Variants in NFIA observed in about 807,000 individuals in gnomAD.
The protein encoded by NFIA is nuclear factor 1 A-type.
NFIA carries 8 observed loss-of-function variants against 62.8 expected under a neutral mutation model. The ratio of observed to expected loss-of-function variants is 0.13; its 90% CI spans 0.07 to 0.23. NFIA has a LOEUF of 0.23. NFIA is among the 10% of genes least tolerant of loss of function. NFIA has a pLI of 1.00. For synonymous variants in NFIA, 235 were observed against 238.1 expected, an observed-to-expected ratio of 0.99 and a Z score of 0.12; for missense variants, 410 against 642.1, an observed-to-expected ratio of 0.64 and a Z score of 3.91.
rs1325945047 is a variant in NFIA, at chr1:61,458,232, G to A, written c.*2912G>A. Reference sequence around the variant, plus strand: ...AAAAGAAAAAAAAAAAGAAAAAATAGCAGCTTTCAGTGCTTCACAGTGAAG... The same window carrying A: ...AAAAGAAAAAAAAAAAGAAAAAATAACAGCTTTCAGTGCTTCACAGTGAAG... On this transcript the variant is annotated 3_prime_UTR_variant, in exon 11 of 11. Transcript: ENST00000403491. The A allele has an allele frequency of 1.3e-5, 2 of 151,084 alleles. No homozygotes were observed. Among genetic ancestry groups the A allele is most frequent in the East Asian group, 1.9e-4 (1 of 5,166 alleles). 9.4% of individuals were successfully genotyped at this position (151,084 alleles called of 1,614,324 possible). A position where few individuals can be genotyped will look rare whatever the true frequency, so the allele number is the denominator to read the frequency against.
At chr1:61,279,644 G>C (rs1322049658) in intron 3 of NFIA, among the ~76,000 whole-genome samples, 2 of 152,200 alleles carry the variant, frequency 1.3e-5, no homozygotes, top group East Asian at 1.9e-4. Flanking sequence ...TGTGTGGACT[G>C]TACGGGTGTG....
intron 3 of NFIA, among the ~76,000 whole-genome samples, chr1:61,286,326 G>A (rs1415387507): frequency 1.3e-5 from 2 of 151,566 alleles, no homozygotes; most frequent in African/African-American, 4.9e-5. Flanking sequence ...TACTCAGGAG[G>A]CTGAGGCAGG....
At chr1:61,267,520 A>G (rs1657249452) in intron 2 of NFIA, among the ~76,000 whole-genome samples, 1 of 152,194 alleles carries the variant, frequency 6.6e-6, no homozygotes, top group African/African-American at 2.4e-5. Context: ...AGAAAAAAAA[A>G]AATTGGATAC....
intron 7 of NFIA, among the ~76,000 whole-genome samples, chr1:61,395,383 T>C (rs1430206231): frequency 6.6e-6 from 1 of 152,084 alleles, no homozygotes; most frequent in Non-Finnish European, 1.5e-5. Context: ...TCTTGTTTTT[T>C]GAAGTCCTCT....
At chr1:61,312,142 T>C (rs751370827) in intron 3 of NFIA, among the ~76,000 whole-genome samples, 1 of 152,246 alleles carries the variant, frequency 6.6e-6, no homozygotes, top group Non-Finnish European at 1.5e-5. Flanking sequence ...GGCAAGCTTA[T>C]ATGCCTGTAA....
chr1:61,092,356 A>T (rs1352782449), intron 2 of NFIA, among the ~76,000 whole-genome samples: 1 of 152,202 alleles, frequency 6.6e-6, no homozygotes, highest in Non-Finnish European at 1.5e-5. Context: ...CAGCAGTATG[A>T]GTACTTGTTA....
At position 61,460,090 on chromosome 1, in the gene NFIA, AAGAC is replaced by A. The variant is rs1668471736; in HGVS notation, c.*4773_*4776del. On this transcript the variant is annotated 3_prime_UTR_variant, in exon 11 of 11. Transcript: ENST00000403491. ...AAACCCACCCTTCGAGATCTGTCCA[AAGAC>A]AGTCTCAGAAAGCTGCACTGCCCAC... The A allele has an allele frequency of 3.3e-5, 5 of 152,318 alleles. No individual in the cohort carries two copies. The highest frequency in any genetic ancestry group is 2.6e-4 in the Admixed American group (4 of 15,304). The allele number at this position is 152,318 out of a possible 1,614,324, so 9.4% of individuals were successfully genotyped here.
intron 7 of NFIA, among the ~76,000 whole-genome samples, chr1:61,388,524 T>C (rs1046573072): frequency 1.3e-5 from 2 of 152,242 alleles, no homozygotes; most frequent in African/African-American, 2.4e-5. Flanking sequence ...TTGAAACTTA[T>C]CTTTTTGCTT....
At chr1:61,166,671 A>G (rs1291482775) in intron 2 of NFIA, among the ~76,000 whole-genome samples, 6 of 152,198 alleles carry the variant, frequency 3.9e-5, no homozygotes, top group Non-Finnish European at 7.4e-5. Flanking sequence ...CTACCAAACT[A>G]CTTATAGTTT....
At chr1:61,245,443 G>A (rs1182839750) in intron 2 of NFIA, among the ~76,000 whole-genome samples, 1 of 151,368 alleles carries the variant, frequency 6.6e-6, no homozygotes, top group Non-Finnish European at 1.5e-5. Flanking sequence ...TGTTCTTCAG[G>A]GGAAAAAATG....
intron 2 of NFIA, among the ~76,000 whole-genome samples, chr1:61,175,128 GATTATT>G (rs66989543): frequency 0.21 from 31,884 of 149,870 alleles, 4,015 homozygotes; most frequent in African/African-American, 0.33. Flanking sequence ...TTTCTGTATT[GATTATT>G]ATTATTATTA....
intron 2 of NFIA, among the ~76,000 whole-genome samples, chr1:61,132,321 C>T (rs570218798): frequency 3.9e-5 from 6 of 152,250 alleles, no homozygotes; most frequent in East Asian, 1.9e-4. Context: ...CCGAGGAGGA[C>T]GTGGTTTAGT....
At chr1:61,147,221 G>A (rs888325934) in intron 2 of NFIA, among the ~76,000 whole-genome samples, 2 of 152,024 alleles carry the variant, frequency 1.3e-5, no homozygotes, top group African/African-American at 2.4e-5. Context: ...TGCAATCTTG[G>A]TTCACTGCAA....
chr1:61,154,596 A>C (rs1457817825), intron 2 of NFIA, among the ~76,000 whole-genome samples: 1 of 152,144 alleles, frequency 6.6e-6, no homozygotes, highest in Non-Finnish European at 1.5e-5. Context: ...GATTACAGGC[A>C]CACGCCACCC....
chr1:61,325,725 TG>T (rs1055404279), intron 3 of NFIA, among the ~76,000 whole-genome samples: 32 of 152,142 alleles, frequency 2.1e-4, no homozygotes, highest in Admixed American at 2.0e-3. Flanking sequence ...GAGACCATCC[TG>T]GCTAACACAG....
intron 7 of NFIA, among the ~76,000 whole-genome samples, chr1:61,386,362 G>T (rs1044119644): frequency 3.3e-5 from 5 of 152,142 alleles, no homozygotes; most frequent in Admixed American, 6.5e-5. Context: ...ATAATCCAGA[G>T]AATCAAACTT....
At chr1:61,079,636 T>C (rs1296875383), upstream of NFIA, among the ~76,000 whole-genome samples, 1 of 152,136 alleles carries the variant, frequency 6.6e-6, no homozygotes, top group Admixed American at 6.5e-5. Context: ...TTCCTAACAA[T>C]GGGTCATTTA....
intron 2 of NFIA, among the ~76,000 whole-genome samples, chr1:61,243,306 C>A (rs17121853): frequency 6.6e-6 from 1 of 152,072 alleles, no homozygotes; most frequent in East Asian, 1.9e-4. Flanking sequence ...TAGCAGATCC[C>A]TTCTTACATA....
At chr1:61,141,454 T>G (rs1647529162) in intron 2 of NFIA, among the ~76,000 whole-genome samples, 4 of 152,180 alleles carry the variant, frequency 2.6e-5, no homozygotes, top group Admixed American at 6.5e-5. Flanking sequence ...TCAGCGCCTA[T>G]AATACTGGTC....
Sources: allele counts gnomAD v4.1 joint callset (sites outside exome capture counted in the v4.1 genomes callset), GRCh38; gene constraint gnomAD v4.1.1; transcripts MANE v1.5; gene names NCBI Gene and HGNC (gene_info 2026-07-23, HGNC 2026-07-21).